Variants in DCLK1 observed in about 807,000 individuals in gnomAD.
DCLK1 encodes the protein doublecortin like kinase 1.
In DCLK1, 16 loss-of-function variants were observed where a neutral mutation model predicts 86.2. The observed-to-expected ratio is 0.19, with a 90% CI of 0.13 to 0.28. The LOEUF is 0.28. DCLK1 is among the 10% of genes least tolerant of loss of function. DCLK1 has a pLI of 1.00. For synonymous variants in DCLK1, 369 were observed against 370.5 expected, an observed-to-expected ratio of 1.00 and a Z score of 0.05; for missense variants, 590 against 940.2, an observed-to-expected ratio of 0.63 and a Z score of 4.87.
At position 35,822,885 on chromosome 13, in the gene DCLK1, G is replaced by C; in HGVS notation, c.1408-10C>G. ...CAAAAAGGTCTCCCCCCTGAGAAGA[G>C]AACAGAAGCTGAAGCAGCACATTAA... On this transcript the variant is annotated splice_polypyrimidine_tract_variant and intron_variant, in intron 10 of 16. Coordinates refer to ENST00000360631, the MANE Select transcript of DCLK1 (RefSeq NM_001330071.2). 1 of 1,613,716 alleles carries C rather than the reference G, an allele frequency of 6.2e-7. No homozygotes were observed. The highest frequency in any genetic ancestry group is 8.5e-7 in the Non-Finnish European group (1 of 1,179,908).
chr13:35,946,408 A>C (rs1877382965), intron 4 of DCLK1, among the ~76,000 whole-genome samples: 1 of 152,222 alleles, frequency 6.6e-6, no homozygotes, highest in Non-Finnish European at 1.5e-5. Flanking sequence ...ACACATCTGC[A>C]GTGTTGGAGT....
chr13:36,087,809 T>G (rs1225875554), intron 3 of DCLK1, among the ~76,000 whole-genome samples: 1 of 152,274 alleles, frequency 6.6e-6, no homozygotes, highest in African/African-American at 2.4e-5. Context: ...GATACACTAT[T>G]CTCCCAAGCC....
intron 3 of DCLK1, among the ~76,000 whole-genome samples, chr13:36,002,669 T>A (rs1480505915): frequency 6.6e-6 from 1 of 152,188 alleles, no homozygotes; most frequent in Non-Finnish European, 1.5e-5. Context: ...GAAAAGGCTG[T>A]CTCTGGCTCA....
intron 4 of DCLK1, among the ~76,000 whole-genome samples, chr13:35,910,941 C>T (rs1031008903): frequency 1.3e-5 from 2 of 152,030 alleles, no homozygotes; most frequent in Non-Finnish European, 2.9e-5. Context: ...AATCTTACTT[C>T]GTGAAAAGTC....
At chr13:35,979,289 G>C (rs763117821) in intron 3 of DCLK1, among the ~76,000 whole-genome samples, 36 of 152,294 alleles carry the variant, frequency 2.4e-4, no homozygotes, top group South Asian at 1.2e-3. Context: ...GGATTCAGAA[G>C]ACCCGGCCGG....
intron 3 of DCLK1, among the ~76,000 whole-genome samples, chr13:35,984,011 T>A (rs1290960848): frequency 2.0e-5 from 3 of 152,214 alleles, no homozygotes; most frequent in African/African-American, 7.2e-5. Context: ...CCTCCAGGCC[T>A]TCCACTATGA....
chr13:36,126,046 G>C lies in DCLK1; in HGVS notation c.92C>G (p.Pro31Arg), dbSNP rs1368532243. ...YSRGSRVNGL[P>R]SPTHSAHCSF... The stretch of plus-strand genomic sequence containing the variant: ...GCAGTGGGCGCTGTGCGTCGGGCTC[G>C]GCAGGCCGTTCACCCGCGACCCTCG... Residue 31 changes from proline (P) to arginine (R), a missense_variant, in exon 2 of 17, where the codon CCG (proline) becomes CGG (arginine). By Grantham distance (103) the Pro-to-Arg change is moderately radical. Coordinates refer to ENST00000360631, the MANE Select transcript of DCLK1 (RefSeq NM_001330071.2). 9.9e-6 allele frequency: 16 copies of C among 1,613,462 alleles called. No individual in the cohort carries two copies. The highest frequency in any genetic ancestry group is 2.2e-5 in the East Asian group (1 of 44,888).
intron 4 of DCLK1, among the ~76,000 whole-genome samples, chr13:35,888,581 G>A (rs776411007): frequency 5.9e-5 from 9 of 152,130 alleles, no homozygotes; most frequent in Non-Finnish European, 1.2e-4. Flanking sequence ...GTAGTTATAC[G>A]AAGGCAGCCA....
chr13:35,938,466 A>G (rs1189801882), intron 4 of DCLK1, among the ~76,000 whole-genome samples: 1 of 152,122 alleles, frequency 6.6e-6, no homozygotes, highest in Non-Finnish European at 1.5e-5. Flanking sequence ...CATCTCTACT[A>G]AAAATTCAAA....
chr13:35,827,905 C>A, intron 9 of DCLK1, 151 bp from the exon 10 acceptor site: 2 of 980,748 alleles, frequency 2.0e-6, no homozygotes, highest in Admixed American at 2.5e-5. Context: ...TCAGATATAG[C>A]CTAGAATTGC....
rs148556839 is a variant in DCLK1 at position 35,880,799 on chromosome 13, C to G, written c.824-9459G>C. Among the ~76,000 whole-genome samples the G allele has an allele frequency of 1.2e-3, 189 of 152,240 alleles. 1 individual carries two copies. Among genetic ancestry groups the G allele is most frequent in the African/African-American group, 4.4e-3 (181 of 41,538 alleles). On this transcript the variant is annotated intron_variant, in intron 4 of 16. Transcript: ENST00000360631. ...CTTTTCATTGGCCAGTGAAGCTTCA[C>G]CAAATCTTGACCTTTTTGAAAGTAA...
chr13:36,045,916 T>C (rs1433504177), intron 3 of DCLK1, among the ~76,000 whole-genome samples: 1 of 151,968 alleles, frequency 6.6e-6, no homozygotes, highest in Non-Finnish European at 1.5e-5. Flanking sequence ...CCAGTAAAGG[T>C]ATGTTGAAGT....
In DCLK1 at chr13:36,001,510, C is replaced by T. The variant is rs544408832; in HGVS notation, c.724-54053G>A. Among the ~76,000 whole-genome samples, 3 of 152,232 alleles carry T rather than the reference C, an allele frequency of 2.0e-5. No individual in the cohort carries two copies. The East Asian group carries it at 5.8e-4, about 30-fold the overall frequency. ...TGAAGCCAGATGCCTTTTCAGGTCC[C>T]CTTCTTCCTGACCTTCCAAGGATGC... On this transcript the variant is annotated intron_variant, in intron 3 of 16. Transcript: ENST00000360631.
chr13:35,996,906 C>G (rs1317048045), intron 3 of DCLK1, among the ~76,000 whole-genome samples: 1 of 152,158 alleles, frequency 6.6e-6, no homozygotes, highest in African/African-American at 2.4e-5. Flanking sequence ...AAAGCTATAG[C>G]TATTTACTCA....
intron 3 of DCLK1, among the ~76,000 whole-genome samples, chr13:36,060,390 G>C (rs1470536119): frequency 1.3e-5 from 2 of 151,888 alleles, no homozygotes; most frequent in Non-Finnish European, 2.9e-5. Flanking sequence ...GTGGTACAGT[G>C]GCCAGAAAGC....
intron 3 of DCLK1, among the ~76,000 whole-genome samples, chr13:35,951,054 A>T (rs1008380967): frequency 1.3e-5 from 2 of 151,566 alleles, no homozygotes; most frequent in Admixed American, 1.3e-4. Flanking sequence ...TTCCTTCACA[A>T]ATTTTCAATA....
chr13:36,017,552 A>G (rs1377332904), intron 3 of DCLK1, among the ~76,000 whole-genome samples: 1 of 152,224 alleles, frequency 6.6e-6, no homozygotes, highest in Non-Finnish European at 1.5e-5. Flanking sequence ...TGATCCAAAC[A>G]TGACTTCAGA....
intron 3 of DCLK1, among the ~76,000 whole-genome samples, chr13:35,962,109 A>AG (rs1191768527): frequency 6.6e-6 from 1 of 152,212 alleles, no homozygotes; most frequent in African/African-American, 2.4e-5. Context: ...CGAACAAAAT[A>AG]GTTATCTTAT....
chr13:36,098,971 ATTT>A (rs34423920), intron 3 of DCLK1, among the ~76,000 whole-genome samples: 39 of 144,786 alleles, frequency 2.7e-4, no homozygotes, highest in Admixed American at 6.2e-4. Flanking sequence ...TATTATTTGG[ATTT>A]TTTTTTTTTT....
Sources: allele counts gnomAD v4.1 joint callset (sites outside exome capture counted in the v4.1 genomes callset), GRCh38; gene constraint gnomAD v4.1.1; transcripts MANE v1.5; gene names NCBI Gene and HGNC (gene_info 2026-07-23, HGNC 2026-07-21).